Variants in TMEM132C observed in about 807,000 individuals in gnomAD.
The protein encoded by TMEM132C is protein phosphatase 1, regulatory subunit 152.
In TMEM132C, 29 loss-of-function variants were observed where a neutral mutation model predicts 61.4. The ratio of observed to expected loss-of-function variants is 0.47; its 90% confidence interval spans 0.35 to 0.64. The LOEUF is 0.64. Among genes scored for constraint, TMEM132C ranks in the 30% least tolerant of loss-of-function variants. The pLI, the probability that TMEM132C is intolerant of heterozygous loss-of-function variation, is 0.00. For missense variants in TMEM132C, 1,408 were observed against 1,476.9 expected, an observed-to-expected ratio of 0.95 and a Z score of 0.76; for synonymous variants, 656 against 633.1, an observed-to-expected ratio of 1.04 and a Z score of -0.54.
chr12:128,354,836 C>T (rs1873449623), intron 1 of TMEM132C, among the ~76,000 whole-genome samples: 1 of 152,182 alleles, frequency 6.6e-6, no homozygotes, highest in East Asian at 1.9e-4. Context: ...GTGAGATCCC[C>T]ACCCTTCACA....
At chr12:128,377,551 G>A (rs1171753433) in intron 1 of TMEM132C, among the ~76,000 whole-genome samples, 1 of 152,182 alleles carries the variant, frequency 6.6e-6, no homozygotes, top group Non-Finnish European at 1.5e-5. Context: ...GGAATGAAAT[G>A]GAAGTGAATA....
At chr12:128,662,014 G>A (rs1461700878) in intron 4 of TMEM132C, among the ~76,000 whole-genome samples, 5 of 152,084 alleles carry the variant, frequency 3.3e-5, no homozygotes, top group Admixed American at 3.3e-4. Flanking sequence ...ACTAGGGAGG[G>A]AAATTGAGGA....
chr12:128,391,317 T>C (rs1319049442), intron 1 of TMEM132C, among the ~76,000 whole-genome samples: 1 of 152,216 alleles, frequency 6.6e-6, no homozygotes, highest in East Asian at 1.9e-4. Flanking sequence ...TTACTCAGCA[T>C]CCTTTGCAGG....
At chr12:128,412,594 T>C (rs1286882695) in intron 1 of TMEM132C, among the ~76,000 whole-genome samples, 1 of 152,182 alleles carries the variant, frequency 6.6e-6, no homozygotes. Flanking sequence ...GTTTTGTAAA[T>C]GGGAGTTCTC....
intron 3 of TMEM132C, among the ~76,000 whole-genome samples, chr12:128,547,139 C>A (rs546277847): frequency 2.0e-5 from 3 of 152,178 alleles, no homozygotes; most frequent in African/African-American, 7.2e-5. Context: ...CCCTTCCTGG[C>A]GGGGTCCAGC....
chr12:128,611,197 C>G (rs1005628599), intron 3 of TMEM132C, among the ~76,000 whole-genome samples: 3 of 119,886 alleles, frequency 2.5e-5, no homozygotes, highest in Non-Finnish European at 5.5e-5. Flanking sequence ...GGCTGTGAGT[C>G]AGGAAGTCCT....
At chr12:128,296,042 C>T (rs552547017) in intron 1 of TMEM132C, among the ~76,000 whole-genome samples, 1 of 152,298 alleles carries the variant, frequency 6.6e-6, no homozygotes, top group South Asian at 2.1e-4. Flanking sequence ...TTCCTAGTGT[C>T]CAAGTCCCTT....
chr12:128,321,865 G>T (rs186101432), intron 1 of TMEM132C, among the ~76,000 whole-genome samples: 2 of 152,206 alleles, frequency 1.3e-5, no homozygotes, highest in East Asian at 3.9e-4. Flanking sequence ...CACCTCTTTG[G>T]CCTATTGCCT....
At chr12:128,692,026 A>T (rs111349020) in intron 5 of TMEM132C, among the ~76,000 whole-genome samples, 2 of 141,398 alleles carry the variant, frequency 1.4e-5, no homozygotes, top group East Asian at 2.0e-4. Context: ...CCATCAGTTC[A>T]TCTATCTATC....
chr12:128,307,234 G>A (rs1056053765), intron 1 of TMEM132C, among the ~76,000 whole-genome samples: 6 of 152,072 alleles, frequency 3.9e-5, no homozygotes, highest in Non-Finnish European at 2.9e-5. Context: ...GGACATAATT[G>A]GGGGAGAAGT....
rs1875741346 is a variant in TMEM132C, at chr12:128,591,291, C to T, written c.1122-24861C>T. 1.3e-5 allele frequency among the ~76,000 whole-genome samples: 2 copies of T among 152,104 alleles called. 1 individual carries two copies. Among genetic ancestry groups the T allele is most frequent in the South Asian group, 4.1e-4 (2 of 4,824 alleles). ...ACCCCTCCCCGCCTCCCCCAGCCCC[C>T]GGCAACAACTCATCTGCTTTCTGTC... On this transcript the variant is annotated intron_variant, in intron 3 of 8. Coordinates refer to ENST00000435159, the MANE Select transcript of TMEM132C (RefSeq NM_001136103.3).
In TMEM132C at chr12:128,580,012, C is replaced by T. The variant is rs563185539; in HGVS notation, c.1121+35909C>T. Among the ~76,000 whole-genome samples, 52 of 152,192 alleles carry T rather than the reference C, an allele frequency of 3.4e-4. 1 individual carries two copies. Among genetic ancestry groups the T allele is most frequent in the African/African-American group, 1.0e-3 (43 of 41,518 alleles). ...GCAAAGAGACTGTGACACACGTGTTCGCAGGCAGTGAGGAGAGATCCAGAA... is the reference window on the plus strand; with the variant it reads ...GCAAAGAGACTGTGACACACGTGTTTGCAGGCAGTGAGGAGAGATCCAGAA... On this transcript the variant is annotated intron_variant, in intron 3 of 8. Transcript: ENST00000435159.
At chr12:128,622,043 C>T (rs922589861) in intron 4 of TMEM132C, among the ~76,000 whole-genome samples, 1 of 151,966 alleles carries the variant, frequency 6.6e-6, no homozygotes, top group Non-Finnish European at 1.5e-5. Context: ...CCATTATCCT[C>T]AAAATATATA....
At chr12:128,307,428 A>C (rs1247138688) in intron 1 of TMEM132C, among the ~76,000 whole-genome samples, 2 of 51,484 alleles carry the variant, frequency 3.9e-5, no homozygotes, top group Admixed American at 1.6e-4. Flanking sequence ...CCAGATTTGA[A>C]AAAAAAAAAA....
At chr12:128,505,367 C>T (rs1211713451) in intron 2 of TMEM132C, among the ~76,000 whole-genome samples, 1 of 152,184 alleles carries the variant, frequency 6.6e-6, no homozygotes, top group Non-Finnish European at 1.5e-5. Flanking sequence ...TAGGAGGCAT[C>T]TCTAGTGTCA....
At chr12:128,334,370 G>C (rs59618971) in intron 1 of TMEM132C, among the ~76,000 whole-genome samples, 5,820 of 152,184 alleles carry the variant, frequency 0.038, 246 homozygotes, top group African/African-American at 0.11. Context: ...CAGCTCCGGG[G>C]CCCGTGTGCA....
chr12:128,675,738 G>A (rs1255070759), intron 5 of TMEM132C, among the ~76,000 whole-genome samples: 1 of 152,138 alleles, frequency 6.6e-6, no homozygotes, highest in Admixed American at 6.5e-5. Flanking sequence ...ATGGAGGAAG[G>A]GAGATAGATA....
chr12:128,416,413 A>T (rs1313087664), intron 2 of TMEM132C, among the ~76,000 whole-genome samples: 1 of 152,246 alleles, frequency 6.6e-6, no homozygotes, highest in Non-Finnish European at 1.5e-5. Flanking sequence ...TGTCATAATA[A>T]TGAAAGAAGT....
intron 1 of TMEM132C, among the ~76,000 whole-genome samples, chr12:128,271,356 C>T (rs375718327): frequency 7.9e-5 from 12 of 151,194 alleles, no homozygotes; most frequent in Non-Finnish European, 1.8e-4. Flanking sequence ...ATTAGGATTT[C>T]CACAATGTGT....
Sources: allele counts gnomAD v4.1 joint callset (sites outside exome capture counted in the v4.1 genomes callset), GRCh38; gene constraint gnomAD v4.1.1; transcripts MANE v1.5; gene names NCBI Gene and HGNC (gene_info 2026-07-23, HGNC 2026-07-21).